TENM2: variants seen among roughly 807,000 people sequenced by gnomAD.
TENM2 encodes the protein teneurin-2.
In TENM2, 52 loss-of-function variants were observed where a neutral mutation model predicts 245.2. The observed-to-expected ratio is 0.21, with a 90% CI of 0.17 to 0.27. The LOEUF is 0.27. TENM2 is among the 10% of genes least tolerant of loss of function. The pLI, the probability that TENM2 is intolerant of heterozygous loss-of-function variation, is 1.00. For missense variants in TENM2, 3,046 were observed against 3,666.8 expected (o/e 0.83, Z 4.37); for synonymous variants, 1,363 against 1,438.9 (o/e 0.95, Z 1.19).
intron 2 of TENM2, among the ~76,000 whole-genome samples, chr5:167,550,125 C>T (rs1464277764): frequency 6.6e-6 from 1 of 152,192 alleles, no homozygotes; most frequent in African/African-American, 2.4e-5. Flanking sequence ...AAATCTCTCC[C>T]ACTCTCTTCA....
At chr5:167,513,423 C>T (rs893437965) in intron 2 of TENM2, among the ~76,000 whole-genome samples, 2 of 152,096 alleles carry the variant, frequency 1.3e-5, no homozygotes, top group African/African-American at 4.8e-5. Flanking sequence ...AAGCCTGCCT[C>T]CTAGAAGTTA....
At chr5:167,448,645 G>C (rs1765375076) in intron 2 of TENM2, among the ~76,000 whole-genome samples, 1 of 151,216 alleles carries the variant, frequency 6.6e-6, no homozygotes, top group East Asian at 1.9e-4. Context: ...ATAGCACCAG[G>C]AAGCAATACA....
At chr5:167,847,944 T>A (rs890194131) in intron 2 of TENM2, among the ~76,000 whole-genome samples, 2 of 152,240 alleles carry the variant, frequency 1.3e-5, no homozygotes, top group Non-Finnish European at 1.5e-5. Context: ...ACTTTACACT[T>A]ACCCTTTAGA....
At chr5:168,008,154 G>C (rs771952857) in intron 5 of TENM2, among the ~76,000 whole-genome samples, 9 of 152,166 alleles carry the variant, frequency 5.9e-5, no homozygotes, top group African/African-American at 7.2e-5. Flanking sequence ...GGATGGAGAA[G>C]GTTCTAGGCC....
intron 2 of TENM2, among the ~76,000 whole-genome samples, chr5:167,744,216 G>A (rs1028620848): frequency 1.3e-5 from 2 of 152,060 alleles, no homozygotes; most frequent in South Asian, 2.1e-4. Context: ...AAGCTCTTAC[G>A]GATTCAGGGT....
chr5:167,071,008 G>A, the TENM2 span, among the ~76,000 whole-genome samples: 3 of 152,032 alleles, frequency 2.0e-5, no homozygotes, highest in Non-Finnish European at 4.4e-5. Context: ...GTGTCTGACC[G>A]TACTACAGGT....
At chr5:168,074,016 T>C (rs1261134270) in intron 7 of TENM2, among the ~76,000 whole-genome samples, 1 of 152,140 alleles carries the variant, frequency 6.6e-6, no homozygotes, top group Non-Finnish European at 1.5e-5. Context: ...CGTTCACCTA[T>C]CAGGAAATGA....
chr5:168,129,293 C>A (rs1218739575), intron 12 of TENM2: 2 of 152,172 alleles, frequency 1.3e-5, no homozygotes, highest in African/African-American at 4.8e-5. Flanking sequence ...GTGTTTCTGC[C>A]ACTTGAAGTG....
At chr5:167,684,232 A>G (rs1447174959) in intron 2 of TENM2, among the ~76,000 whole-genome samples, 2 of 152,130 alleles carry the variant, frequency 1.3e-5, no homozygotes, top group African/African-American at 2.4e-5. Flanking sequence ...ACCCATCCCA[A>G]CTGGTTGGTG....
At chr5:167,016,068 C>T in the TENM2 span, among the ~76,000 whole-genome samples, 1 of 151,898 alleles carries the variant, frequency 6.6e-6, no homozygotes, top group Admixed American at 6.6e-5. Context: ...TCCTAGCTAA[C>T]ACGATGAAAC....
chr5:167,428,303 C>T (rs1224226389), intron 2 of TENM2, among the ~76,000 whole-genome samples: 1 of 152,066 alleles, frequency 6.6e-6, no homozygotes, highest in Non-Finnish European at 1.5e-5. Context: ...CCTCAGTAAC[C>T]CTATCCTTTG....
chr5:167,533,241 TC>T (rs1252761786), intron 2 of TENM2, among the ~76,000 whole-genome samples: 4 of 152,054 alleles, frequency 2.6e-5, no homozygotes, highest in Non-Finnish European at 5.9e-5. Context: ...AACAGTGGAT[TC>T]GGGTGAGGAA....
At chr5:167,090,181 T>C in the TENM2 span, among the ~76,000 whole-genome samples, 1 of 151,944 alleles carries the variant, frequency 6.6e-6, no homozygotes, top group East Asian at 1.9e-4. Flanking sequence ...TCTTTAAAAA[T>C]TGGAGCTACT....
At chr5:168,203,600 C>T (rs150842305) in intron 17 of TENM2, 89 bp from the exon 20 acceptor site, 23,023 of 1,345,744 alleles carry the variant, frequency 0.017, 216 homozygotes, top group Non-Finnish European at 0.02. Context: ...ACTGCGAACA[C>T]GTGCTTCTCA....
chr5:168,042,684 C>G (rs1217559722), intron 5 of TENM2, among the ~76,000 whole-genome samples: 1 of 152,178 alleles, frequency 6.6e-6, no homozygotes, highest in African/African-American at 2.4e-5. Context: ...CACAAAAACA[C>G]AGCAACTTCA....
chr5:167,072,469 G>A, the TENM2 span, among the ~76,000 whole-genome samples: 1 of 152,102 alleles, frequency 6.6e-6, no homozygotes, highest in Non-Finnish European at 1.5e-5. Flanking sequence ...TAGGAGATGA[G>A]CCCAACATGT....
intron 13 of TENM2, among the ~76,000 whole-genome samples, chr5:168,185,694 C>T (rs1293131576): frequency 1.3e-5 from 2 of 151,562 alleles, no homozygotes; most frequent in Non-Finnish European, 2.9e-5. Flanking sequence ...ATTTGTTATT[C>T]CTATTAATTA....
chr5:168,047,604 T>C (rs2152037710), intron 6 of TENM2, 55 bp downstream of exon 8: 1 of 1,529,556 alleles, frequency 6.5e-7, no homozygotes, highest in Non-Finnish European at 8.8e-7. Context: ...TTCTGAGCTC[T>C]CGCCAGCTGG....
At chr5:167,267,054 T>G in the TENM2 span, among the ~76,000 whole-genome samples, 29 of 152,292 alleles carry the variant, frequency 1.9e-4, no homozygotes, top group African/African-American at 7.0e-4. Context: ...ACTGTTTCCA[T>G]AAAGTGTTCT....
Sources: allele counts gnomAD v4.1 joint callset (sites outside exome capture counted in the v4.1 genomes callset), GRCh38; gene constraint gnomAD v4.1.1; transcripts MANE v1.5; gene names NCBI Gene and HGNC (gene_info 2026-07-23, HGNC 2026-07-21).